The following NRXN1 variants were observed in gnomAD, a reference collection of about 807,000 sequenced individuals.
The protein encoded by NRXN1 is neurexin 1.
In NRXN1, 39 loss-of-function variants were observed where a neutral mutation model predicts 150.9. That is an observed-to-expected ratio of 0.26 (90% confidence interval 0.20 to 0.34). NRXN1 has a LOEUF of 0.34. Among genes scored for constraint, NRXN1 ranks in the 10% least tolerant of loss-of-function variants. NRXN1 has a pLI of 1.00. For synonymous variants in NRXN1, 924 were observed against 757.0 expected (o/e 1.22, Z -3.62); for missense variants, 1,815 against 1,949.9 (o/e 0.93, Z 1.30).
At chr2:50,063,899 C>T (rs1694949079) in intron 19 of NRXN1, among the ~76,000 whole-genome samples, 1 of 151,986 alleles carries the variant, frequency 6.6e-6, no homozygotes, top group African/African-American at 2.4e-5. Context: ...AAACTGAACC[C>T]ATACAGTTAT....
intron 12 of NRXN1, among the ~76,000 whole-genome samples, chr2:50,521,507 T>C (rs1043144003): frequency 3.3e-5 from 5 of 152,324 alleles, no homozygotes; most frequent in Middle Eastern, 3.4e-3. Context: ...GCATTTCTTA[T>C]CCATCTTGCT....
intron 15 of NRXN1, among the ~76,000 whole-genome samples, chr2:50,483,516 C>T (rs1393377952): frequency 6.6e-6 from 1 of 152,070 alleles, no homozygotes; most frequent in African/African-American, 2.4e-5. Context: ...GGTTCAGGGC[C>T]CCTTTCTCGT....
chr2:49,924,011 T>G (rs1668662247), intron 22 of NRXN1, among the ~76,000 whole-genome samples: 1 of 152,206 alleles, frequency 6.6e-6, no homozygotes, highest in Non-Finnish European at 1.5e-5. Context: ...TAATTTCCTC[T>G]CATGAAGAAT....
chr2:50,994,903 T>G (rs948380198), intron 2 of NRXN1, among the ~76,000 whole-genome samples: 5 of 151,990 alleles, frequency 3.3e-5, no homozygotes, highest in South Asian at 2.1e-4. Flanking sequence ...CACTGTTTTT[T>G]TAAAAAAAAC....
intron 13 of NRXN1, among the ~76,000 whole-genome samples, chr2:50,501,430 T>C (rs2091940757): frequency 1.3e-5 from 2 of 151,932 alleles, no homozygotes; most frequent in Non-Finnish European, 2.9e-5. Flanking sequence ...TGTGTGTTTA[T>C]TCCCTTTGTG....
At chr2:50,146,185 T>C (rs371785771) in intron 18 of NRXN1, among the ~76,000 whole-genome samples, 94 of 151,654 alleles carry the variant, frequency 6.2e-4, no homozygotes, top group African/African-American at 2.1e-3. Flanking sequence ...ACTGCAGTAG[T>C]TACTATGCAT....
intron 2 of NRXN1, among the ~76,000 whole-genome samples, chr2:50,956,355 GC>G (rs1692281532): frequency 6.6e-6 from 1 of 152,070 alleles, no homozygotes; most frequent in South Asian, 2.1e-4. Context: ...CCACTGGGGG[GC>G]CTTGGAACAT....
At chr2:50,918,614 G>A in intron 5 of NRXN1, 2 of 372,272 alleles carry the variant, frequency 5.4e-6, no homozygotes, top group South Asian at 2.6e-4. Context: ...AATTTAAATA[G>A]TCATTCATTT....
Position 50,214,806 on chromosome 2 carries a change from T to C in NRXN1, c.3546+21983A>G, listed in dbSNP as rs2063283823. 2.0e-5 allele frequency among the ~76,000 whole-genome samples: 3 copies of C among 152,158 alleles called. No individual in the cohort carries two copies. In the South Asian group the frequency reaches 6.2e-4, roughly 32 times the overall value. On this transcript the variant is annotated intron_variant, in intron 18 of 22. Coordinates refer to ENST00000401669, the MANE Select transcript of NRXN1 (RefSeq NM_001330078.2). ...AACCACATAGCTCTGTATTGCACCATGATGACTTCAATGTTTCAAAGTACA... is the reference window on the plus strand; with the variant it reads ...AACCACATAGCTCTGTATTGCACCACGATGACTTCAATGTTTCAAAGTACA...
intron 8 of NRXN1, among the ~76,000 whole-genome samples, chr2:50,591,638 T>C (rs1320640790): frequency 1.3e-5 from 2 of 152,326 alleles, no homozygotes; most frequent in African/African-American, 2.4e-5. Flanking sequence ...TTCTCTGCTA[T>C]TGTGATTCTG....
intron 18 of NRXN1, among the ~76,000 whole-genome samples, chr2:50,099,415 A>G (rs1324343951): frequency 1.3e-5 from 2 of 151,952 alleles, no homozygotes; most frequent in Non-Finnish European, 2.9e-5. Context: ...TGCCCTTTTA[A>G]AGTATATGGT....
At chr2:49,973,368 G>A (rs1332803000) in intron 21 of NRXN1, among the ~76,000 whole-genome samples, 1 of 151,920 alleles carries the variant, frequency 6.6e-6, no homozygotes, top group Non-Finnish European at 1.5e-5. Context: ...CATTAATCAG[G>A]TTTAATCACT....
chr2:51,007,244 T>C (rs1667157346), intron 2 of NRXN1, among the ~76,000 whole-genome samples: 1 of 151,962 alleles, frequency 6.6e-6, no homozygotes, highest in Non-Finnish European at 1.5e-5. Context: ...GAGCATTTTC[T>C]GAACCATTTC....
intron 8 of NRXN1, among the ~76,000 whole-genome samples, chr2:50,584,081 C>A (rs369220988): frequency 5.0e-4 from 76 of 152,230 alleles, no homozygotes; most frequent in African/African-American, 1.8e-3. Flanking sequence ...TGCATTAATA[C>A]GTCCTTGAAA....
chr2:50,755,980 T>C (rs549780926), intron 5 of NRXN1, among the ~76,000 whole-genome samples: 1 of 151,800 alleles, frequency 6.6e-6, no homozygotes, highest in African/African-American at 2.4e-5. Flanking sequence ...CAAAAAGATA[T>C]CTAGAGGGAC....
At chr2:50,242,919 G>C (rs1053625055) in intron 17 of NRXN1, among the ~76,000 whole-genome samples, 3 of 151,592 alleles carry the variant, frequency 2.0e-5, no homozygotes, top group African/African-American at 7.3e-5. Flanking sequence ...TCACAGAAAT[G>C]GTTTAGGCAC....
intron 17 of NRXN1, among the ~76,000 whole-genome samples, chr2:50,264,769 A>G (rs1357632191): frequency 6.6e-6 from 1 of 152,088 alleles, no homozygotes; most frequent in East Asian, 1.9e-4. Flanking sequence ...TTGTGGAAAC[A>G]TTTCAGTAAA....
intron 19 of NRXN1, among the ~76,000 whole-genome samples, chr2:50,079,052 G>C (rs2152681302): frequency 6.6e-6 from 1 of 152,110 alleles, no homozygotes; most frequent in South Asian, 2.1e-4. Context: ...CTGTATGGGT[G>C]AGCTGTCTCT....
chr2:50,284,678 T>G (rs994235042), intron 17 of NRXN1, among the ~76,000 whole-genome samples: 1 of 152,226 alleles, frequency 6.6e-6, no homozygotes, highest in Non-Finnish European at 1.5e-5. Context: ...ATCTACTTAA[T>G]GTAGAAAAAT....
Sources: allele counts gnomAD v4.1 joint callset (sites outside exome capture counted in the v4.1 genomes callset), GRCh38; gene constraint gnomAD v4.1.1; transcripts MANE v1.5; gene names NCBI Gene and HGNC (gene_info 2026-07-23, HGNC 2026-07-21).